TTLL9: variants seen among roughly 807,000 people sequenced by gnomAD.
TTLL9 encodes tubulin tyrosine ligase like 9.
In TTLL9, 47 loss-of-function variants were observed where a neutral mutation model predicts 65.6. That is an observed-to-expected ratio of 0.72 (90% CI 0.57 to 0.91). TTLL9 has a LOEUF of 0.91. Ranked by LOEUF, TTLL9 falls within the 40% of genes least tolerant of loss-of-function variation. The pLI, the probability that TTLL9 is intolerant of heterozygous loss-of-function variation, is 0.00. For synonymous variants in TTLL9, 179 were observed against 204.8 expected (o/e 0.87, Z 1.07); for missense variants, 537 against 568.8 (o/e 0.94, Z 0.57).
intron 3 of TTLL9, among the ~76,000 whole-genome samples, chr20:31,893,394 G>A (rs1174440842): frequency 6.7e-6 from 1 of 150,268 alleles, no homozygotes; most frequent in Non-Finnish European, 1.5e-5. Context: ...AGGTTCAAGG[G>A]ATTCTTCTGC....
At chr20:31,890,177 C>CTTTCTT (rs1568753937) in intron 3 of TTLL9, among the ~76,000 whole-genome samples, 1 of 121,406 alleles carries the variant, frequency 8.2e-6, no homozygotes, top group Non-Finnish European at 1.7e-5. Context: ...TTCTTTCTTT[C>CTTTCTT]TTTCTTTCTT....
intron 2 of TTLL9, among the ~76,000 whole-genome samples, chr20:31,881,922 G>GA (rs927891637): frequency 6.6e-6 from 1 of 152,000 alleles, no homozygotes; most frequent in Non-Finnish European, 1.5e-5. Context: ...TTGGATGAAG[G>GA]AAAAAAATAG....
At chr20:31,879,344 A>G (rs944526997) in intron 2 of TTLL9, among the ~76,000 whole-genome samples, 4 of 152,106 alleles carry the variant, frequency 2.6e-5, no homozygotes, top group Admixed American at 2.0e-4. Context: ...AAAAAACTAC[A>G]ATGAGCTATC....
intron 2 of TTLL9, among the ~76,000 whole-genome samples, chr20:31,876,735 C>T (rs560979408): frequency 6.6e-6 from 1 of 152,242 alleles, no homozygotes; most frequent in African/African-American, 2.4e-5. Flanking sequence ...GAGATATTGC[C>T]AAATTGCCTC....
At chr20:31,908,831 G>A in intron 5 of TTLL9, 129 bp downstream of exon 5, 1 of 772,408 alleles carries the variant, frequency 1.3e-6, no homozygotes, top group South Asian at 1.6e-5. Flanking sequence ...TGGGAAGTCT[G>A]CGGGCTAGAC....
At position 31,931,751 on chromosome 20, in the gene TTLL9, A is replaced by G. The variant is rs576675151; in HGVS notation, c.749-2049A>G. On this transcript the variant is annotated intron_variant, in intron 10 of 14. Transcript: ENST00000535842. Reference sequence around the variant, plus strand: ...AAATTGGATTAACTTTTTATTGTTGAGTTATAAGAATCCTGTATGTATTCT... The same window carrying G: ...AAATTGGATTAACTTTTTATTGTTGGGTTATAAGAATCCTGTATGTATTCT... Among the ~76,000 whole-genome samples the G allele has an allele frequency of 8.5e-5, 13 of 152,338 alleles. No homozygotes were observed. In the East Asian group the frequency reaches 2.3e-3, roughly 27 times the overall value.
At chr20:31,890,154 C>CTTCCTTCCTTCCTTTCT (rs2063281386) in intron 3 of TTLL9, among the ~76,000 whole-genome samples, 1 of 13,576 alleles carries the variant, frequency 7.4e-5, no homozygotes, top group African/African-American at 6.9e-4. Context: ...TCCTTCCTTC[C>CTTCCTTCCTTCCTTTCT]TTCTTTCTTT....
At chr20:31,875,457 C>T (rs779083134) in intron 2 of TTLL9, among the ~76,000 whole-genome samples, 51 of 152,072 alleles carry the variant, frequency 3.4e-4, no homozygotes, top group Non-Finnish European at 5.6e-4. Context: ...TTGGAAACCT[C>T]GTCTCTCCCC....
intron 10 of TTLL9, among the ~76,000 whole-genome samples, chr20:31,927,387 A>G (rs915165512): frequency 1.4e-5 from 2 of 147,550 alleles, no homozygotes; most frequent in Non-Finnish European, 3.0e-5. Context: ...AGGCTGAGGC[A>G]TGAGAATCCC....
At position 31,870,712 on chromosome 20, in the gene TTLL9, CG is replaced by C. The variant is rs1167065171; in HGVS notation, c.-238del. On this transcript the variant is annotated 5_prime_UTR_variant, in exon 1 of 15. Coordinates refer to ENST00000535842, the MANE Select transcript of TTLL9 (RefSeq NM_001008409.5). This position sits in a 1 kb window ranked among gnomAD's most constrained non-coding sequence, Gnocchi z 6.6. ...GGGCCGCCACCTCCGGAGGTGGGGG[CG>C]GGGGCCTTACCCCACCCTGGCACCG... The C allele has an allele frequency of 1.8e-5, 13 of 729,876 alleles. No individual in the cohort carries two copies. Among genetic ancestry groups the C allele is most frequent in the Non-Finnish European group, 2.5e-5 (13 of 516,838 alleles). The allele number at this position is 729,876 out of a possible 1,614,324, so 45.2% of individuals were successfully genotyped here.
intron 2 of TTLL9, among the ~76,000 whole-genome samples, chr20:31,873,375 G>A (rs905903999): frequency 2.0e-5 from 3 of 152,158 alleles, no homozygotes; most frequent in African/African-American, 4.8e-5. Flanking sequence ...GATGCTGGGC[G>A]TGGTGGCTCA....
chr20:31,943,288 C>A lies in TTLL9; in HGVS notation c.*267C>A, dbSNP rs1038808646. On this transcript the variant is annotated 3_prime_UTR_variant, in exon 15 of 15. Coordinates refer to ENST00000535842, the MANE Select transcript of TTLL9 (RefSeq NM_001008409.5). ...TGACAAACTGACTTGGCAGTTAGGCCCAAAGAGAACAAATACAGCAAGTTC... is the reference window on the plus strand; with the variant it reads ...TGACAAACTGACTTGGCAGTTAGGCACAAAGAGAACAAATACAGCAAGTTC... 5.6e-6 allele frequency: 3 copies of A among 534,260 alleles called. No individual in the cohort carries two copies. The highest frequency in any genetic ancestry group is 1.0e-5 in the Non-Finnish European group (3 of 294,760). The allele number at this position is 534,260 out of a possible 1,614,324, so 33.1% of individuals were successfully genotyped here. A position where few individuals can be genotyped will look rare whatever the true frequency, so the allele number is the denominator to read the frequency against.
At chr20:31,915,484 A>G (rs1437039270) in intron 6 of TTLL9, among the ~76,000 whole-genome samples, 2 of 152,192 alleles carry the variant, frequency 1.3e-5, no homozygotes, top group East Asian at 3.8e-4. Flanking sequence ...CCTGTCTCAA[A>G]GAAAAAAGCA....
At chr20:31,891,102 G>C (rs924965259) in intron 3 of TTLL9, among the ~76,000 whole-genome samples, 2 of 152,212 alleles carry the variant, frequency 1.3e-5, no homozygotes, top group African/African-American at 4.8e-5. Flanking sequence ...GCTGAGTTTA[G>C]GGTACGTGCA....
chr20:31,926,147 T>C (rs183364545), intron 10 of TTLL9, 56 bp downstream of exon 10: 168 of 1,264,252 alleles, frequency 1.3e-4, no homozygotes, highest in Non-Finnish European at 1.9e-4. Context: ...GTGGGGGTGA[T>C]TCCATGGGAG....
At chr20:31,885,453 C>T (rs2123406673) in intron 2 of TTLL9, among the ~76,000 whole-genome samples, 1 of 152,266 alleles carries the variant, frequency 6.6e-6, no homozygotes, top group Non-Finnish European at 1.5e-5. Context: ...TTTTTTTAAC[C>T]AAAGGCTCTG....
chr20:31,879,711 G>A, intron 2 of TTLL9: 2 of 1,099,508 alleles, frequency 1.8e-6, no homozygotes, highest in South Asian at 1.6e-5. Context: ...ACGCCCAATA[G>A]CCTCCAGAGG....
chr20:31,935,011 C>A, intron 12 of TTLL9, 123 bp downstream of exon 12: 2 of 950,880 alleles, frequency 2.1e-6, no homozygotes, highest in Non-Finnish European at 3.2e-6. Context: ...CTTACATTTA[C>A]TGTGCCTCAA....
chr20:31,908,833 G>C, intron 5 of TTLL9, 131 bp downstream of exon 5: 1 of 752,506 alleles, frequency 1.3e-6, no homozygotes, highest in Non-Finnish European at 2.3e-6. Flanking sequence ...GGAAGTCTGC[G>C]GGCTAGACCT....
Sources: gnomAD v4.1 joint callset for allele counts (sites outside exome capture counted in the v4.1 genomes callset) on GRCh38, gnomAD v4.1.1 for gene constraint, Gnocchi (gnomAD v3.1) non-coding constraint, MANE v1.5 for transcripts, NCBI Gene and HGNC (gene_info 2026-07-23, HGNC 2026-07-21) for gene names.